DPP6: variants seen among roughly 807,000 people sequenced by gnomAD.
DPP6 encodes the protein dipeptidyl peptidase like 6.
A neutral mutation model predicts 122.6 loss-of-function variants in DPP6; 69 were observed. The observed-to-expected ratio is 0.56, with a 90% CI of 0.46 to 0.69. DPP6 has a LOEUF of 0.69. DPP6 is among the 30% of genes least tolerant of loss of function. The pLI, the probability that DPP6 is intolerant of heterozygous loss-of-function variation, is 0.00. For synonymous variants in DPP6, 418 were observed against 433.1 expected, an observed-to-expected ratio of 0.97 and a Z score of 0.43; for missense variants, 928 against 1,116.9, an observed-to-expected ratio of 0.83 and a Z score of 2.41.
the DPP6 span, among the ~76,000 whole-genome samples, chr7:153,815,468 T>A: frequency 9.5e-4 from 145 of 152,016 alleles, no homozygotes; most frequent in Non-Finnish European, 1.6e-3. Context: ...GCTGCACCCA[T>A]TAACTCGTCA....
chr7:154,376,271 T>C (rs953639355), intron 1 of DPP6, among the ~76,000 whole-genome samples: 1 of 152,218 alleles, frequency 6.6e-6, no homozygotes, highest in South Asian at 2.1e-4. Context: ...CTGGAAGGAC[T>C]GAAGCCACTG....
chr7:153,820,982 A>T, the DPP6 span, among the ~76,000 whole-genome samples: 1 of 148,942 alleles, frequency 6.7e-6, no homozygotes, highest in East Asian at 2.0e-4. Flanking sequence ...ACACCGGCAA[A>T]ATTGCTTTTC....
intron 2 of DPP6, among the ~76,000 whole-genome samples, chr7:154,466,704 G>A (rs990470630): frequency 1.3e-5 from 2 of 152,162 alleles, no homozygotes; most frequent in Non-Finnish European, 1.5e-5. Flanking sequence ...TTGTTGGTAC[G>A]TACAATTCAG....
chr7:154,272,730 C>T lies in DPP6; in HGVS notation c.244-173484C>T, dbSNP rs367709588. 4.6e-5 allele frequency among the ~76,000 whole-genome samples: 7 copies of T among 152,272 alleles called. No homozygotes were observed. The East Asian group carries it at 7.7e-4, about 17-fold the overall frequency. On this transcript the variant is annotated intron_variant, in intron 1 of 25. Transcript: ENST00000377770. Reference sequence around the variant, plus strand: ...GGGGCCTCAATAGAGCCTGAGATGGCTGCTGAGGAGGTGGAGACATGGTCA... The same window carrying T: ...GGGGCCTCAATAGAGCCTGAGATGGTTGCTGAGGAGGTGGAGACATGGTCA...
intron 1 of DPP6, among the ~76,000 whole-genome samples, chr7:154,386,073 T>G (rs1814081042): frequency 6.6e-6 from 1 of 152,204 alleles, no homozygotes; most frequent in African/African-American, 2.4e-5. Flanking sequence ...AGTGCCAAGA[T>G]TCCTCTTTCC....
rs189975419 is a variant in DPP6, at chr7:154,250,951, C to T, written c.244-195263C>T. Reference sequence around the variant, plus strand: ...GGGCAGTGCTGAGATTCAAAAGGGGCGTCCCTAGTCCCAAAGACGAGCCCC... The same window carrying T: ...GGGCAGTGCTGAGATTCAAAAGGGGTGTCCCTAGTCCCAAAGACGAGCCCC... On this transcript the variant is annotated intron_variant, in intron 1 of 25. Transcript: ENST00000377770. 2.5e-4 allele frequency among the ~76,000 whole-genome samples: 38 copies of T among 152,292 alleles called. No individual in the cohort carries two copies. In the East Asian group the frequency reaches 2.9e-3, roughly 12 times the overall value.
At chr7:154,701,730 C>T (rs1481334991) in intron 7 of DPP6, among the ~76,000 whole-genome samples, 3 of 152,192 alleles carry the variant, frequency 2.0e-5, no homozygotes, top group Non-Finnish European at 4.4e-5. Flanking sequence ...TCGGGCTCTA[C>T]CTTCATTGGG....
At chr7:154,121,707 A>G (rs1807480559) in intron 1 of DPP6, among the ~76,000 whole-genome samples, 1 of 152,202 alleles carries the variant, frequency 6.6e-6, no homozygotes, top group South Asian at 2.1e-4. Context: ...CATACAGTCC[A>G]TTTTAGAGAA....
intron 1 of DPP6, among the ~76,000 whole-genome samples, chr7:153,909,726 C>T (rs1799999230): frequency 6.6e-6 from 1 of 152,182 alleles, no homozygotes; most frequent in African/African-American, 2.4e-5. Context: ...GGACTTCAAA[C>T]TTCCCCAGTC....
At chr7:154,612,172 G>A (rs1269848175) in intron 5 of DPP6, among the ~76,000 whole-genome samples, 1 of 152,134 alleles carries the variant, frequency 6.6e-6, no homozygotes, top group African/African-American at 2.4e-5. Flanking sequence ...AGACCTGCGA[G>A]CCAATAGATC....
intron 3 of DPP6, among the ~76,000 whole-genome samples, chr7:154,535,649 A>G (rs1828187929): frequency 6.6e-6 from 1 of 151,984 alleles, no homozygotes; most frequent in Admixed American, 6.6e-5. Flanking sequence ...ACAAAGACTC[A>G]TATCCAGAAT....
At chr7:154,047,221 G>A (rs568821668) in intron 1 of DPP6, among the ~76,000 whole-genome samples, 133 of 147,006 alleles carry the variant, frequency 9.0e-4, no homozygotes, top group African/African-American at 3.4e-3. Flanking sequence ...CCAGTGGTCA[G>A]CAGAGAGAAC....
At chr7:153,957,739 T>C (rs1283237111) in intron 1 of DPP6, among the ~76,000 whole-genome samples, 1 of 152,246 alleles carries the variant, frequency 6.6e-6, no homozygotes, top group Non-Finnish European at 1.5e-5. Flanking sequence ...CAGAACTACC[T>C]CATTAACGCT....
intron 1 of DPP6, among the ~76,000 whole-genome samples, chr7:153,934,206 G>A (rs1185202832): frequency 2.0e-5 from 3 of 152,140 alleles, no homozygotes; most frequent in African/African-American, 7.2e-5. Flanking sequence ...GGGGCCTGGC[G>A]ACAGGGTACT....
chr7:153,850,176 T>C, the DPP6 span, among the ~76,000 whole-genome samples: 2 of 152,318 alleles, frequency 1.3e-5, no homozygotes, highest in South Asian at 4.1e-4. Context: ...GTGGCTTTGC[T>C]GCTTCAGGGC....
At chr7:154,068,052 G>A (rs1489632591) in intron 1 of DPP6, among the ~76,000 whole-genome samples, 2 of 151,824 alleles carry the variant, frequency 1.3e-5, no homozygotes, top group African/African-American at 4.9e-5. Flanking sequence ...ATGAGTCACC[G>A]TGCCTGGCAA....
At chr7:154,891,404 G>A (rs565259157) in intron 25 of DPP6, among the ~76,000 whole-genome samples, 3 of 152,222 alleles carry the variant, frequency 2.0e-5, no homozygotes, top group Admixed American at 6.5e-5. Context: ...TTCTAAGCAC[G>A]GCACGGCTAT....
intron 1 of DPP6, among the ~76,000 whole-genome samples, chr7:154,158,435 T>A (rs1008778656): frequency 6.6e-6 from 1 of 150,896 alleles, no homozygotes; most frequent in African/African-American, 2.4e-5. Flanking sequence ...TTCATTTAAT[T>A]GCTAAGGTCT....
intron 18 of DPP6, among the ~76,000 whole-genome samples, chr7:154,871,739 C>T (rs1242359087): frequency 6.6e-6 from 1 of 152,138 alleles, no homozygotes; most frequent in East Asian, 1.9e-4. Flanking sequence ...TCAGAGCTGG[C>T]TGCCCAGCCA....
Sources: allele counts gnomAD v4.1 joint callset (sites outside exome capture counted in the v4.1 genomes callset), GRCh38; gene constraint gnomAD v4.1.1; transcripts MANE v1.5; gene names NCBI Gene and HGNC (gene_info 2026-07-23, HGNC 2026-07-21).